Variants in DNAH2 observed in about 807,000 individuals in gnomAD.
DNAH2 encodes axonemal beta dynein heavy chain 2.
Under a neutral mutation model 523.5 loss-of-function variants are expected in DNAH2, and 323 were observed. The ratio of observed to expected loss-of-function variants is 0.62; its 90% CI spans 0.56 to 0.68. The LOEUF is 0.68. Ranked by LOEUF, DNAH2 falls within the 30% of genes least tolerant of loss-of-function variation. The probability of loss-of-function intolerance (pLI) is 0.00; values close to 1 mark genes in which losing one functional copy is unlikely to be tolerated. For missense variants in DNAH2, 4,907 were observed against 5,701.5 expected, an observed-to-expected ratio of 0.86 and a Z score of 4.49; for synonymous variants, 2,093 against 2,177.4, an observed-to-expected ratio of 0.96 and a Z score of 1.08.
chr17:7,814,457 A>G (rs2077604902), intron 63 of DNAH2, among the ~76,000 whole-genome samples: 1 of 152,346 alleles, frequency 6.6e-6, no homozygotes, highest in South Asian at 2.1e-4. Context: ...AGTTTTCATA[A>G]TAATTTTTAA....
At chr17:7,727,754 CA>C (rs766811062) in intron 4 of DNAH2, among the ~76,000 whole-genome samples, 8,120 of 49,042 alleles carry the variant, frequency 0.17, 83 homozygotes, top group Non-Finnish European at 0.19. Flanking sequence ...GACTCTGTCT[CA>C]AAAAAAAAAA....
rs200321066 is a variant in DNAH2, at chr17:7,786,277, C to T, written c.6283C>T (p.Arg2095Cys). The T allele has an allele frequency of 4.4e-5, 71 of 1,613,906 alleles. No individual in the cohort carries two copies. The highest frequency in any genetic ancestry group is 1.1e-5 in the South Asian group (1 of 91,088). ...CTGSGKTASW[R>C]ILQASLSSLC... ...GGGCAGCGGCAAGACTGCCTCATGG[C>T]GCATTCTACAGGCCTCCCTGTCCTC... The change falls in exon 40 of 86, where the codon CGC (arginine) becomes TGC (cysteine). Residue 2095 changes from arginine (R) to cysteine (C), a missense_variant. Around this residue, in one of 3 missense-constraint regions of DNAH2, gnomAD observed 2,806 missense variants for 3,190.8 expected, o/e 0.88. Coordinates refer to ENST00000572933, the MANE Select transcript of DNAH2 (RefSeq NM_020877.5). The surrounding 1 kb of genome is among the most constrained non-coding windows in gnomAD (Gnocchi z 7.5).
Position 7,830,701 on chromosome 17 carries a change from A to G in DNAH2, c.12089A>G (p.Glu4030Gly). The change falls in exon 79 of 86, where the codon GAG becomes GGG. Residue 4030 changes from glutamate to glycine, a missense_variant. Coordinates refer to ENST00000572933, the MANE Select transcript of DNAH2 (RefSeq NM_020877.5). ...AGCCTCTATCTCGATGAGTACGAGG[A>G]GACACCTTGGGACGCACTTAAGTAC... The part of the protein sequence containing the change: ...LLSLYLDEYE[E>G]TPWDALKYLI... 1 of 1,614,192 alleles carries G rather than the reference A, an allele frequency of 6.2e-7. No individual in the cohort carries two copies. The highest frequency in any genetic ancestry group is 8.5e-7 in the Non-Finnish European group (1 of 1,180,044).
rs202120746 is a variant in DNAH2 at position 7,817,283 on chromosome 17, C to T, written c.9895-7C>T. The T allele has an allele frequency of 1.3e-6, 2 of 1,587,042 alleles. No individual in the cohort carries two copies. The highest frequency in any genetic ancestry group is 2.0e-5 in the Admixed American group (1 of 49,780). Reference sequence around the variant, plus strand: ...CAGGCAGGCTTACCCTCCCTCCTGTCCGCCAGGGCCTGGAGGAGGACCTGG... The same window carrying T: ...CAGGCAGGCTTACCCTCCCTCCTGTTCGCCAGGGCCTGGAGGAGGACCTGG... On this transcript the variant is annotated splice_polypyrimidine_tract_variant and splice_region_variant and intron_variant, in intron 64 of 85. Coordinates refer to ENST00000572933, the MANE Select transcript of DNAH2 (RefSeq NM_020877.5).
chr17:7,759,502 A>C lies in DNAH2; in HGVS notation c.2529A>C (p.Ser843=). The C allele has an allele frequency of 6.2e-7, 1 of 1,614,132 alleles. No homozygotes were observed. Among genetic ancestry groups the C allele is most frequent in the Non-Finnish European group, 8.5e-7 (1 of 1,180,020 alleles). The change falls in exon 16 of 86, where the codon TCA becomes TCC. Residue 843 remains serine, a synonymous_variant. Transcript: ENST00000572933. The part of the protein sequence containing the change: ...EDALRLNVKW[S]LLELSKAING... ...CCCTGCGCCTGAATGTGAAGTGGTC[A>C]CTGCTAGAACTATCCAAGGCTATCA...
At position 7,754,712 on chromosome 17, in the gene DNAH2, T is replaced by A. The variant is rs543641036; in HGVS notation, c.1905-2379T>A. 3.1e-5 allele frequency: 36 copies of A among 1,166,798 alleles called. No homozygotes were observed. The African/African-American group carries it at 5.2e-4, about 17-fold the overall frequency. The allele number at this position is 1,166,798 out of a possible 1,614,324, so 72.3% of individuals were successfully genotyped here. A position where few individuals can be genotyped will look rare whatever the true frequency, so the allele number is the denominator to read the frequency against. On this transcript the variant is annotated intron_variant, in intron 12 of 85. Coordinates refer to ENST00000572933, the MANE Select transcript of DNAH2 (RefSeq NM_020877.5). The surrounding 1 kb of genome is among the most constrained non-coding windows in gnomAD (Gnocchi z 4.6). ...ACCCCAACCTTGGGAAGCTTGCTCGTGCCCGCATGGCCAAGGGGCTCAGGC... is the reference window on the plus strand; with the variant it reads ...ACCCCAACCTTGGGAAGCTTGCTCGAGCCCGCATGGCCAAGGGGCTCAGGC...
At chr17:7,782,180 T>A (rs2076620233) in intron 39 of DNAH2, among the ~76,000 whole-genome samples, 1 of 152,104 alleles carries the variant, frequency 6.6e-6, no homozygotes, top group African/African-American at 2.4e-5. Flanking sequence ...TCTGAAGATA[T>A]AACAGAAGAT....
chr17:7,765,055 G>A (rs984363585), intron 20 of DNAH2, among the ~76,000 whole-genome samples: 3 of 151,998 alleles, frequency 2.0e-5, no homozygotes, highest in Non-Finnish European at 4.4e-5. Context: ...CACCACACCC[G>A]GCCAGGGTTT....
intron 71 of DNAH2, 71 bp downstream of exon 71, chr17:7,819,134 G>A: frequency 5.0e-6 from 8 of 1,604,004 alleles, no homozygotes; most frequent in Non-Finnish European, 5.9e-6. Context: ...GACGGCTCGA[G>A]ACCCCTCCTT....
intron 2 of DNAH2, among the ~76,000 whole-genome samples, chr17:7,722,122 C>T (rs908524055): frequency 1.3e-5 from 2 of 151,876 alleles, no homozygotes. Flanking sequence ...CCTCAGCCTC[C>T]CGAGTAGCTG....
rs561236402 is a variant in DNAH2 at position 7,740,923 on chromosome 17, C to G, written c.1620C>G (p.Tyr540Ter). 1.2e-6 allele frequency: 2 copies of G among 1,613,630 alleles called. No individual in the cohort carries two copies. ...RNKKWPDLEP[Y>*]VAQYSGKARW... ...AGAAATGGCCAGACCTGGAGCCCTACGTGGCCCAGTATTCCGGAAAGGCGC... is the reference window on the plus strand; with the variant it reads ...AGAAATGGCCAGACCTGGAGCCCTAGGTGGCCCAGTATTCCGGAAAGGCGC... The change falls in exon 11 of 86, where the codon TAC (tyrosine) becomes TAG (stop). Residue 540 changes from tyrosine (Y) to a stop codon, truncating the protein, a stop_gained. Transcript: ENST00000572933. LOFTEE classifies it high-confidence loss of function.
intron 35 of DNAH2, 137 bp downstream of exon 35, chr17:7,778,606 A>G: frequency 1.1e-6 from 1 of 907,148 alleles, no homozygotes; most frequent in Non-Finnish European, 1.5e-6. Context: ...TTATTTATTT[A>G]TTTATTTTTT....
rs776074735 is a variant in DNAH2 at position 7,778,411 on chromosome 17, A to T, written c.5483A>T (p.Asn1828Ile). 6.2e-7 allele frequency: 1 copy of T among 1,614,218 alleles called. No homozygotes were observed. The highest frequency in any genetic ancestry group is 1.7e-5 in the Admixed American group (1 of 60,022). ...CTGGGCATATATGTCATTGTGGTCA[A>T]CTGCTCTGAGGGCCTGGACTACAAG... ...KALGIYVIVV[N>I]CSEGLDYKSM... The change falls in exon 35 of 86, where the codon AAC becomes ATC. Residue 1828 changes from asparagine to isoleucine, a missense_variant. Around this residue, in one of 3 missense-constraint regions of DNAH2, gnomAD observed 2,806 missense variants for 3,190.8 expected, o/e 0.88. Transcript: ENST00000572933.
At chr17:7,771,563 C>A in intron 28 of DNAH2, 95 bp downstream of exon 28, 2 of 1,369,270 alleles carry the variant, frequency 1.5e-6, no homozygotes, top group East Asian at 4.8e-5. Context: ...ACTGATGCCC[C>A]CAGCTCTCCT....
intron 8 of DNAH2, among the ~76,000 whole-genome samples, chr17:7,737,523 G>A (rs1012538657): frequency 2.6e-5 from 4 of 152,296 alleles, no homozygotes; most frequent in Admixed American, 6.5e-5. Flanking sequence ...GGTGGAAGAC[G>A]GGGAAGCAGC....
Position 7,760,653 on chromosome 17 carries a change from G to T in DNAH2, c.2786-87G>T. ...TTCTCTGGGAAGCTGGTTTTAGAGT[G>T]GAAGGTCTGGAGCAGTGGGCAGGGC... On this transcript the variant is annotated intron_variant, in intron 17 of 85. Coordinates refer to ENST00000572933, the MANE Select transcript of DNAH2 (RefSeq NM_020877.5). This position sits in a 1 kb window ranked among gnomAD's most constrained non-coding sequence, Gnocchi z 4.0. The T allele has an allele frequency of 7.6e-7, 1 of 1,315,034 alleles. No homozygotes were observed. The highest frequency in any genetic ancestry group is 1.0e-6 in the Non-Finnish European group (1 of 954,802). 81.5% of individuals were successfully genotyped at this position (1,315,034 alleles called of 1,614,324 possible). A position where few individuals can be genotyped will look rare whatever the true frequency, so the allele number is the denominator to read the frequency against.
In DNAH2 at chr17:7,757,343, A is replaced by G. The variant is rs1597553177; in HGVS notation, c.2051+106A>G. On this transcript the variant is annotated intron_variant, in intron 13 of 85. Transcript: ENST00000572933. ...TCATTTTCTACAATTTCTGTCCTCTACATCTTTTCCATCTCAAAAAAAAAA... is the reference window on the plus strand; with the variant it reads ...TCATTTTCTACAATTTCTGTCCTCTGCATCTTTTCCATCTCAAAAAAAAAA... 3 of 1,413,618 alleles carry G rather than the reference A, an allele frequency of 2.1e-6. No homozygotes were observed. The East Asian group carries it at 7.1e-5, about 33-fold the overall frequency. The allele number at this position is 1,413,618 out of a possible 1,614,324, so 87.6% of individuals were successfully genotyped here.
At position 7,734,677 on chromosome 17, in the gene DNAH2, C is replaced by T. The variant is rs140392785; in HGVS notation, c.947C>T (p.Ala316Val). Reference protein sequence around the residue: ...ILHLAKSSYLAPFMKLAQQIQ... With the variant: ...ILHLAKSSYLVPFMKLAQQIQ... The stretch of plus-strand genomic sequence containing the variant: ...CACCTTGCCAAGTCGTCCTACTTGG[C>T]GCCCTTTATGAAACTGGCACAGCAG... The change falls in exon 7 of 86, where the codon GCG becomes GTG. Residue 316 changes from alanine (A) to valine (V), a missense_variant. This residue lies in a region of DNAH2 where 2,806 missense variants were observed against 3,190.8 expected (regional missense o/e 0.88). Transcript: ENST00000572933. 567 of 1,612,616 alleles carry T rather than the reference C, an allele frequency of 3.5e-4. 3 individuals are homozygous for T. The African/African-American group carries it at 6.8e-3, about 19-fold the overall frequency.
intron 35 of DNAH2, 144 bp downstream of exon 35, chr17:7,778,613 T>TATTTA: frequency 8.0e-6 from 7 of 875,806 alleles, no homozygotes; most frequent in Non-Finnish European, 1.1e-5. Flanking sequence ...TTTATTTATT[T>TATTTA]TTTGGAGTGC....
Sources: allele counts gnomAD v4.1 joint callset (sites outside exome capture counted in the v4.1 genomes callset), GRCh38; gene constraint gnomAD v4.1.1; regional missense constraint gnomAD v4.1.1; non-coding constraint Gnocchi (gnomAD v3.1); transcripts MANE v1.5; gene names NCBI Gene and HGNC (gene_info 2026-07-23, HGNC 2026-07-21).